The following TACR1 variants were observed in gnomAD, a reference collection of about 807,000 sequenced individuals.
TACR1 encodes substance-P receptor.
Under a neutral mutation model 35.8 loss-of-function variants are expected in TACR1, and 25 were observed. That is an observed-to-expected ratio of 0.70 (90% CI 0.51 to 0.98). TACR1 has a LOEUF of 0.98. Ranked by LOEUF, TACR1 falls within the 50% of genes least tolerant of loss-of-function variation. TACR1 has a pLI of 0.00. For synonymous variants in TACR1, 195 were observed against 206.7 expected (o/e 0.94, Z 0.48); for missense variants, 478 against 522.9 (o/e 0.91, Z 0.84).
intron 1 of TACR1, among the ~76,000 whole-genome samples, chr2:75,140,391 A>G (rs1002942771): frequency 3.3e-5 from 5 of 152,124 alleles, no homozygotes; most frequent in African/African-American, 1.2e-4. Flanking sequence ...GATTTTAAGG[A>G]AATCAAATTT....
intron 2 of TACR1, among the ~76,000 whole-genome samples, chr2:75,084,241 A>G (rs111372863): frequency 0.012 from 1,802 of 152,202 alleles, 25 homozygotes; most frequent in African/African-American, 0.041. Flanking sequence ...ATTGATTTGC[A>G]TCTATTGAAC....
intron 1 of TACR1, among the ~76,000 whole-genome samples, chr2:75,136,391 G>A (rs191008108): frequency 1.3e-5 from 2 of 152,342 alleles, no homozygotes; most frequent in Admixed American, 6.5e-5. Flanking sequence ...AGCCACCTGA[G>A]TCAGAAAGAA....
intron 1 of TACR1, among the ~76,000 whole-genome samples, chr2:75,142,929 G>A (rs1442572173): frequency 6.6e-6 from 1 of 152,148 alleles, no homozygotes; most frequent in Non-Finnish European, 1.5e-5. Context: ...GTGGAGTAAG[G>A]TCTCACAGAC....
intron 2 of TACR1, among the ~76,000 whole-genome samples, chr2:75,107,014 C>A (rs2103881569): frequency 6.6e-6 from 1 of 151,690 alleles, no homozygotes; most frequent in Middle Eastern, 3.6e-3. Context: ...AAGAGGAATT[C>A]TCACAACAAA....
In TACR1 at chr2:75,198,656, A is replaced by T; in HGVS notation, c.279T>A (p.Ala93=). The T allele has an allele frequency of 1.9e-6, 3 of 1,614,250 alleles. No homozygotes were observed. Among genetic ancestry groups the T allele is most frequent in the Non-Finnish European group, 2.5e-6 (3 of 1,180,034 alleles). ...GGCCGTAGTACCATTCGTTGTGGAC[A>T]GCATAGGTGAAGTTCACCACTGTAT... ...AFNTVVNFTY[A]VHNEWYYGLF... The change falls in exon 1 of 5, where the codon GCT becomes GCA. Residue 93 remains alanine (A), a synonymous_variant. Transcript: ENST00000305249.
At chr2:75,168,157 A>G (rs1675189815) in intron 1 of TACR1, among the ~76,000 whole-genome samples, 2 of 152,216 alleles carry the variant, frequency 1.3e-5, no homozygotes, top group African/African-American at 4.8e-5. Flanking sequence ...TATTATTTTA[A>G]AAATCTCTAA....
At chr2:75,091,970 A>T (rs966412831) in intron 2 of TACR1, among the ~76,000 whole-genome samples, 1 of 152,256 alleles carries the variant, frequency 6.6e-6, no homozygotes. Flanking sequence ...AAATAAGGAC[A>T]ACGATATCTA....
rs537583892 is a variant in TACR1, at chr2:75,081,130, A to G, written c.585-27375T>C. Among the ~76,000 whole-genome samples the G allele has an allele frequency of 4.6e-5, 7 of 152,322 alleles. No individual in the cohort carries two copies. In the South Asian group the frequency reaches 1.5e-3, roughly 32 times the overall value. On this transcript the variant is annotated intron_variant, in intron 2 of 4. Transcript: ENST00000305249. Reference sequence around the variant, plus strand: ...TCACCACACCAGAGGTGCTAGGAGGAATACAAAAGAAGAGCCAGGCCTGCC... The same window carrying G: ...TCACCACACCAGAGGTGCTAGGAGGGATACAAAAGAAGAGCCAGGCCTGCC...
chr2:75,121,316 T>C (rs1673966942), intron 1 of TACR1, among the ~76,000 whole-genome samples: 2 of 152,218 alleles, frequency 1.3e-5, no homozygotes, highest in African/African-American at 4.8e-5. Flanking sequence ...GGAGAAATCT[T>C]CATCAATTCT....
chr2:75,120,307 C>G (rs776217935), intron 2 of TACR1, among the ~76,000 whole-genome samples: 15 of 151,956 alleles, frequency 9.9e-5, no homozygotes, highest in Non-Finnish European at 2.2e-4. Context: ...GGTAAAAGGC[C>G]CGAGGGATAT....
intron 2 of TACR1, among the ~76,000 whole-genome samples, chr2:75,104,141 A>C (rs1673595364): frequency 1.3e-5 from 2 of 152,082 alleles, no homozygotes; most frequent in African/African-American, 4.8e-5. Context: ...AAAAATTAAG[A>C]CTAAAGTATA....
At position 75,120,765 on chromosome 2, in the gene TACR1, G is replaced by C. The variant is rs1332840486; in HGVS notation, c.393C>G (p.Tyr131Ter). 1 of 1,610,328 alleles carries C rather than the reference G, an allele frequency of 6.2e-7. No individual in the cohort carries two copies. The highest frequency in any genetic ancestry group is 8.5e-7 in the Non-Finnish European group (1 of 1,178,372). ...YSMTAVAFDR[Y>*]MAIIHPLQPR... ...GCTGGAGGGGATGTATGATGGCCAT[G>C]TACCTGGAACAGAGAAGAAAGAACA... Residue 131 changes from tyrosine to a stop codon, truncating the protein, a stop_gained, in exon 2 of 5, where the codon TAC becomes TAG. Transcript: ENST00000305249. LOFTEE classifies it high-confidence loss of function.
chr2:75,163,558 C>G (rs765032934), intron 1 of TACR1, among the ~76,000 whole-genome samples: 3 of 152,122 alleles, frequency 2.0e-5, no homozygotes, highest in Non-Finnish European at 4.4e-5. Context: ...TAAAGTACCT[C>G]TTTATCAGAT....
intron 2 of TACR1, among the ~76,000 whole-genome samples, chr2:75,065,003 C>G (rs3771807): frequency 0.17 from 25,653 of 152,190 alleles, 2,556 homozygotes; most frequent in Admixed American, 0.31. Flanking sequence ...ATTATGCTCC[C>G]TGGTCAGCCT....
chr2:75,168,389 G>C (rs1409550723), intron 1 of TACR1, among the ~76,000 whole-genome samples: 3 of 152,188 alleles, frequency 2.0e-5, no homozygotes, highest in Non-Finnish European at 4.4e-5. Flanking sequence ...AATCTAATCA[G>C]GTGGGGCCTT....
chr2:75,051,475 C>T (rs1358996230), intron 3 of TACR1, 28 bp from the exon 4 acceptor site: 1 of 1,612,320 alleles, frequency 6.2e-7, no homozygotes, highest in African/African-American at 1.3e-5. Context: ...CAGGTGAGAC[C>T]ACCAGCACAT....
chr2:75,096,695 C>A (rs1169529029), intron 2 of TACR1, among the ~76,000 whole-genome samples: 1 of 152,180 alleles, frequency 6.6e-6, no homozygotes, highest in Admixed American at 6.5e-5. Flanking sequence ...CTACACCCTC[C>A]CATGTTGTTT....
chr2:75,146,792 A>C (rs1674525843), intron 1 of TACR1, among the ~76,000 whole-genome samples: 1 of 152,242 alleles, frequency 6.6e-6, no homozygotes, highest in African/African-American at 2.4e-5. Context: ...TTTTTAAACT[A>C]TAAACCACTA....
intron 1 of TACR1, among the ~76,000 whole-genome samples, chr2:75,194,397 A>G (rs1675919077): frequency 6.6e-6 from 1 of 152,190 alleles, no homozygotes; most frequent in African/African-American, 2.4e-5. Flanking sequence ...GGCCATCCGA[A>G]TTAGTGCAAA....
Sources: allele counts gnomAD v4.1 joint callset (sites outside exome capture counted in the v4.1 genomes callset), GRCh38; gene constraint gnomAD v4.1.1; transcripts MANE v1.5; gene names NCBI Gene and HGNC (gene_info 2026-07-23, HGNC 2026-07-21).